CCDC61: variants seen among roughly 807,000 people sequenced by gnomAD.
The protein encoded by CCDC61 is centrosomal protein CCDC61.
CCDC61 carries 55 observed loss-of-function variants against 63.0 expected under a neutral mutation model. The observed-to-expected ratio is 0.87, with a 90% CI of 0.70 to 1.09. CCDC61 has a LOEUF of 1.09. Ranked by LOEUF, CCDC61 falls within the 50% of genes least tolerant of loss-of-function variation. The pLI is 0.00. For synonymous variants in CCDC61, 270 were observed against 317.0 expected, an observed-to-expected ratio of 0.85 and a Z score of 1.58; for missense variants, 651 against 731.4, an observed-to-expected ratio of 0.89 and a Z score of 1.27.
chr19:46,009,002 C>G (rs1261285504), intron 5 of CCDC61, among the ~76,000 whole-genome samples: 2 of 152,118 alleles, frequency 1.3e-5, no homozygotes, highest in African/African-American at 4.8e-5. Flanking sequence ...CACGTAGTGC[C>G]CAGCCCTGGG....
chr19:46,014,512 CTT>C (rs1290473179), intron 5 of CCDC61, among the ~76,000 whole-genome samples: 2 of 152,196 alleles, frequency 1.3e-5, no homozygotes, highest in Admixed American at 1.3e-4. Flanking sequence ...AATTAGTTCT[CTT>C]TTAACATACA....
At chr19:45,997,425 G>A (rs188480139) in intron 1 of CCDC61, among the ~76,000 whole-genome samples, 21 of 152,062 alleles carry the variant, frequency 1.4e-4, no homozygotes, top group Non-Finnish European at 2.8e-4. Context: ...GGACTCTTGC[G>A]GGTCACCCAG....
Position 46,018,032 on chromosome 19 carries a change from TAGAG to T in CCDC61, c.1369-45_1369-42del. ...CCAGTGGGATTTAGGGGGACAGAAA[TAGAG>T]GGACGGTGGGTGACCCCCTTTCCTA... is the stretch of plus-strand genomic sequence containing the variant. On this transcript the variant is annotated intron_variant, in intron 12 of 13. Transcript: ENST00000595358. This position sits in a 1 kb window ranked among gnomAD's most constrained non-coding sequence, Gnocchi z 4.2. 6.6e-7 allele frequency: 1 copy of T among 1,521,052 alleles called. No homozygotes were observed. Among genetic ancestry groups the T allele is most frequent in the South Asian group, 1.2e-5 (1 of 82,270 alleles). The allele number at this position is 1,521,052 out of a possible 1,614,324, so 94.2% of individuals were successfully genotyped here. A position where few individuals can be genotyped will look rare whatever the true frequency, so the allele number is the denominator to read the frequency against.
intron 5 of CCDC61, among the ~76,000 whole-genome samples, chr19:46,011,162 C>T (rs966025484): frequency 5.3e-5 from 8 of 151,954 alleles, no homozygotes; most frequent in Non-Finnish European, 1.0e-4. Context: ...GATTCTCCCA[C>T]CTCAGCTTCC....
rs765472203 is a variant in CCDC61, at chr19:46,018,083, T to TC, written c.1380dup (p.Val461ArgfsTer30). 6.2e-7 allele frequency: 1 copy of TC among 1,608,898 alleles called. No homozygotes were observed. Among genetic ancestry groups the TC allele is most frequent in the Non-Finnish European group, 8.5e-7 (1 of 1,177,998 alleles). On this transcript the variant is annotated frameshift_variant, in exon 13 of 14. Coordinates refer to ENST00000595358, the MANE Select transcript of CCDC61 (RefSeq NM_001267723.2). LOFTEE classifies it high-confidence loss of function. This position sits in a 1 kb window ranked among gnomAD's most constrained non-coding sequence, Gnocchi z 4.2. ...CCTACCTTCCCCATCACCAGAAGTC[T>TC]CCCCCCGTGGAACGCAGCCACCATC...
Position 46,016,491 on chromosome 19 carries a change from C to T in CCDC61, c.1091+98C>T. Reference sequence around the variant, plus strand: ...GCCACCATCAGTCTCCATCCCCTGCCACCTGCTCGCTTCTCGCCGGATACC... The same window carrying T: ...GCCACCATCAGTCTCCATCCCCTGCTACCTGCTCGCTTCTCGCCGGATACC... On this transcript the variant is annotated intron_variant, in intron 9 of 13. Transcript: ENST00000595358. The surrounding 1 kb of genome is among the most constrained non-coding windows in gnomAD (Gnocchi z 7.2). 1.4e-6 allele frequency: 2 copies of T among 1,461,448 alleles called. No individual in the cohort carries two copies. The highest frequency in any genetic ancestry group is 2.8e-5 in the African/African-American group (2 of 71,952). 90.5% of individuals were successfully genotyped at this position (1,461,448 alleles called of 1,614,324 possible).
chr19:46,004,953 C>T (rs1968674275), intron 3 of CCDC61, among the ~76,000 whole-genome samples: 3 of 150,174 alleles, frequency 2.0e-5, no homozygotes, highest in African/African-American at 7.4e-5. Context: ...ATTCTCATGC[C>T]TCAGCCTCCC....
At position 46,015,994 on chromosome 19, in the gene CCDC61, G is replaced by A. The variant is rs1968924448; in HGVS notation, c.846-60G>A. 2 of 1,224,930 alleles carry A rather than the reference G, an allele frequency of 1.6e-6. No homozygotes were observed. Among genetic ancestry groups the A allele is most frequent in the East Asian group, 3.2e-5 (1 of 31,482 alleles). 75.9% of individuals were successfully genotyped at this position (1,224,930 alleles called of 1,614,324 possible). ...TCGGAGAAGGTGCGGTCGGGGAGGA[G>A]TCTCGCGATTGAGTTTGTCGGGGCG... On this transcript the variant is annotated intron_variant, in intron 7 of 13. Transcript: ENST00000595358. The surrounding 1 kb of genome is among the most constrained non-coding windows in gnomAD (Gnocchi z 5.3).
chr19:46,004,296 G>T (rs1189108647), intron 3 of CCDC61, among the ~76,000 whole-genome samples: 1 of 152,132 alleles, frequency 6.6e-6, no homozygotes, highest in East Asian at 1.9e-4. Context: ...TCACATCAGT[G>T]AATATAGCCA....
At chr19:46,013,921 C>T (rs766482185) in intron 5 of CCDC61, among the ~76,000 whole-genome samples, 15 of 152,092 alleles carry the variant, frequency 9.9e-5, no homozygotes, top group Non-Finnish European at 1.9e-4. Context: ...GGCTATATCC[C>T]GCTTGCTCAA....
At chr19:46,009,455 T>C (rs1968781712) in intron 5 of CCDC61, among the ~76,000 whole-genome samples, 1 of 152,190 alleles carries the variant, frequency 6.6e-6, no homozygotes, top group South Asian at 2.1e-4. Flanking sequence ...ATTCATTTTA[T>C]CCTCACAGCC....
chr19:46,018,133 G>C lies in CCDC61; in HGVS notation c.1424G>C (p.Gly475Ala). 5.0e-6 allele frequency: 8 copies of C among 1,608,384 alleles called. No individual in the cohort carries two copies. Among genetic ancestry groups the C allele is most frequent in the Non-Finnish European group, 6.8e-6 (8 of 1,177,666 alleles). The change falls in exon 13 of 14, where the codon GGC becomes GCC. Residue 475 changes from glycine to alanine, a missense_variant. By Grantham distance (60) the Gly-to-Ala change is moderately conservative. Transcript: ENST00000595358. The surrounding 1 kb of genome is among the most constrained non-coding windows in gnomAD (Gnocchi z 4.2). ...CAGAAATCTCTGGCCAACTCCGGGGGCTGGGTCCCCATCAAAGGTGAGCCT... is the reference window on the plus strand; with the variant it reads ...CAGAAATCTCTGGCCAACTCCGGGGCCTGGGTCCCCATCAAAGGTGAGCCT... Reference protein sequence around the residue: ...HHQKSLANSGGWVPIKEYSSE... With the variant: ...HHQKSLANSGAWVPIKEYSSE...
Position 46,016,231 on chromosome 19 carries a change from C to T in CCDC61, c.1015+8C>T. On this transcript the variant is annotated splice_region_variant and intron_variant, in intron 8 of 13. Coordinates refer to ENST00000595358, the MANE Select transcript of CCDC61 (RefSeq NM_001267723.2). This position sits in a 1 kb window ranked among gnomAD's most constrained non-coding sequence, Gnocchi z 7.2. Reference sequence around the variant, plus strand: ...CCTCGCCCTCGCCCACAGGTCTGTGCCCCTGCCCTGCGGTAGGGAGGGGAC... The same window carrying T: ...CCTCGCCCTCGCCCACAGGTCTGTGTCCCTGCCCTGCGGTAGGGAGGGGAC... The T allele has an allele frequency of 6.4e-7, 1 of 1,565,324 alleles. No individual in the cohort carries two copies. Among genetic ancestry groups the T allele is most frequent in the Non-Finnish European group, 8.6e-7 (1 of 1,157,508 alleles).
intron 3 of CCDC61, among the ~76,000 whole-genome samples, chr19:46,004,896 T>C (rs1298653365): frequency 1.4e-5 from 2 of 145,502 alleles, no homozygotes; most frequent in Non-Finnish European, 1.5e-5. Context: ...CCAGGCTTAG[T>C]GGCACAGTCT....
intron 3 of CCDC61, among the ~76,000 whole-genome samples, chr19:46,006,109 C>A (rs1356144306): frequency 6.6e-6 from 1 of 152,214 alleles, no homozygotes; most frequent in Non-Finnish European, 1.5e-5. Flanking sequence ...TGGGGAGATA[C>A]AATAACCTCC....
chr19:46,018,547 T>C lies in CCDC61; in HGVS notation c.*160T>C, dbSNP rs1057377060. On this transcript the variant is annotated 3_prime_UTR_variant, in exon 14 of 14. Transcript: ENST00000595358. This position sits in a 1 kb window ranked among gnomAD's most constrained non-coding sequence, Gnocchi z 4.2. ...GGTGTGTGAGGCCCTGACCCTGCCC[T>C]CTCCCCAGGCAGTGCATGCTGGGAG... 1 of 600,514 alleles carries C rather than the reference T, an allele frequency of 1.7e-6. No individual in the cohort carries two copies. 37.2% of individuals were successfully genotyped at this position (600,514 alleles called of 1,614,324 possible).
intron 3 of CCDC61, among the ~76,000 whole-genome samples, chr19:46,004,972 G>A (rs2146463234): frequency 6.6e-6 from 1 of 150,530 alleles, no homozygotes; most frequent in Non-Finnish European, 1.5e-5. Context: ...CCAAGTAGCT[G>A]GGACTACAGG....
chr19:46,016,215 C>T lies in CCDC61; in HGVS notation c.1007C>T (p.Ser336Leu), dbSNP rs1050009299. 2.7e-6 allele frequency: 4 copies of T among 1,462,628 alleles called. No individual in the cohort carries two copies. The South Asian group carries it at 5.5e-5, about 20-fold the overall frequency. The allele number at this position is 1,462,628 out of a possible 1,614,324, so 90.6% of individuals were successfully genotyped here. Residue 336 changes from serine (S) to leucine (L), a missense_variant, in exon 8 of 14, where the codon TCG becomes TTG. By Grantham distance (145) the Ser-to-Leu change is moderately radical. Coordinates refer to ENST00000595358, the MANE Select transcript of CCDC61 (RefSeq NM_001267723.2). The surrounding 1 kb of genome is among the most constrained non-coding windows in gnomAD (Gnocchi z 7.2). Reference sequence around the variant, plus strand: ...GGCCGCCCTGCGCGCCCCTCGCCCTCGCCCACAGGTCTGTGCCCCTGCCCT... The same window carrying T: ...GGCCGCCCTGCGCGCCCCTCGCCCTTGCCCACAGGTCTGTGCCCCTGCCCT... ...GRGRPARPSP[S>L]PTGGRALRFD...
chr19:46,017,079 G>T lies in CCDC61; in HGVS notation c.1310+10G>T. On this transcript the variant is annotated intron_variant, in intron 11 of 13. Transcript: ENST00000595358. ...AGTCGCTCTCCAGAGGGTAAAACTTGAACTTGGGAAAAGGATCGCCTCCAA... is the reference window on the plus strand; with the variant it reads ...AGTCGCTCTCCAGAGGGTAAAACTTTAACTTGGGAAAAGGATCGCCTCCAA... 3 of 1,610,444 alleles carry T rather than the reference G, an allele frequency of 1.9e-6. No homozygotes were observed. The highest frequency in any genetic ancestry group is 2.5e-6 in the Non-Finnish European group (3 of 1,178,214).
Sources: gnomAD v4.1 joint callset for allele counts (sites outside exome capture counted in the v4.1 genomes callset) on GRCh38, gnomAD v4.1.1 for gene constraint, Gnocchi (gnomAD v3.1) non-coding constraint, MANE v1.5 for transcripts, NCBI Gene and HGNC (gene_info 2026-07-23, HGNC 2026-07-21) for gene names.